The following DHTKD1 variants were observed in gnomAD, a reference collection of about 807,000 sequenced individuals.
The protein encoded by DHTKD1 is 2-oxoadipate dehydrogenase complex component E1.
DHTKD1 carries 78 observed loss-of-function variants against 101.8 expected under a neutral mutation model. The ratio of observed to expected loss-of-function variants is 0.77; its 90% CI spans 0.64 to 0.93. The LOEUF is 0.93. DHTKD1 is among the 40% of genes least tolerant of loss of function. DHTKD1 has a pLI of 0.00. For synonymous variants in DHTKD1, 462 were observed against 450.3 expected (o/e 1.03, Z -0.33); for missense variants, 1,223 against 1,161.7 (o/e 1.05, Z -0.77).
intron 14 of DHTKD1, among the ~76,000 whole-genome samples, chr10:12,118,331 T>C (rs1336641329): frequency 6.6e-6 from 1 of 151,778 alleles, no homozygotes; most frequent in East Asian, 1.9e-4. Flanking sequence ...CCCACCACCT[T>C]GTTCATGAGG....
chr10:12,100,453 C>CG (rs1354998027), intron 9 of DHTKD1, among the ~76,000 whole-genome samples, 191 bp downstream of exon 9: 2 of 150,778 alleles, frequency 1.3e-5, no homozygotes, highest in Non-Finnish European at 3.0e-5. Context: ...TTAGTAGAGA[C>CG]GGGGTTTCAC....
intron 2 of DHTKD1, 36 bp from the exon 3 acceptor site, chr10:12,084,503 TA>T: frequency 7.5e-7 from 1 of 1,326,854 alleles, no homozygotes; most frequent in Non-Finnish European, 1.1e-6. Context: ...GGAACATGAT[TA>T]TTTTTTAAGA....
intron 7 of DHTKD1, among the ~76,000 whole-genome samples, chr10:12,095,923 C>T (rs951714442): frequency 6.6e-6 from 1 of 151,294 alleles, no homozygotes; most frequent in Non-Finnish European, 1.5e-5. Context: ...GCAACAGAAT[C>T]GCTTGAACTG....
chr10:12,084,566 G>A lies in DHTKD1; in HGVS notation c.337G>A (p.Ala113Thr), dbSNP rs200967740. The change falls in exon 3 of 17, where the codon GCC becomes ACC. Residue 113 changes from alanine (A) to threonine (T), a missense_variant. By Grantham distance (58) the Ala-to-Thr change is moderately conservative (BLOSUM62 0). Coordinates refer to ENST00000263035, the MANE Select transcript of DHTKD1 (RefSeq NM_018706.7). ...ATTATTGAACATGGGGAAGGAAGAG[G>A]CCTCACTTGAGGAAGTGTTAGTCTA... is the stretch of plus-strand genomic sequence containing the variant. ...AGLLNMGKEEASLEEVLVYLN... is the reference protein window; with the variant it reads ...AGLLNMGKEETSLEEVLVYLN... 4 of 1,611,476 alleles carry A rather than the reference G, an allele frequency of 2.5e-6. No homozygotes were observed. Among genetic ancestry groups the A allele is most frequent in the Non-Finnish European group, 3.4e-6 (4 of 1,177,702 alleles).
intron 10 of DHTKD1, among the ~76,000 whole-genome samples, chr10:12,105,837 G>A (rs987788010): frequency 2.0e-5 from 3 of 152,138 alleles, no homozygotes; most frequent in African/African-American, 7.2e-5. Context: ...GGCTCATGCT[G>A]TAACCCCAGC....
intron 6 of DHTKD1, among the ~76,000 whole-genome samples, chr10:12,091,969 TA>T (rs1832997302): frequency 6.7e-6 from 1 of 149,740 alleles, no homozygotes; most frequent in African/African-American, 2.4e-5. Context: ...CATGTCTGGC[TA>T]ATTTTTTTTT....
chr10:12,069,121 G>A lies in DHTKD1; in HGVS notation c.88G>A (p.Val30Ile), dbSNP rs1409342903. The A allele has an allele frequency of 6.2e-7, 1 of 1,606,796 alleles. No homozygotes were observed. Among genetic ancestry groups the A allele is most frequent in the Non-Finnish European group, 8.5e-7 (1 of 1,177,736 alleles). Reference protein sequence around the residue: ...FWRGYQTERGVYGYRPRKPES... With the variant: ...FWRGYQTERGIYGYRPRKPES... ...GCGTGGCTACCAGACCGAGCGGGGCGTTTACGGCTACCGGCCGAGGAAGCC... is the reference window on the plus strand; with the variant it reads ...GCGTGGCTACCAGACCGAGCGGGGCATTTACGGCTACCGGCCGAGGAAGCC... Residue 30 changes from valine (V) to isoleucine (I), a missense_variant, in exon 1 of 17, where the codon GTT becomes ATT. Coordinates refer to ENST00000263035, the MANE Select transcript of DHTKD1 (RefSeq NM_018706.7).
At chr10:12,111,919 A>G (rs569684206) in intron 12 of DHTKD1, among the ~76,000 whole-genome samples, 2 of 152,264 alleles carry the variant, frequency 1.3e-5, no homozygotes, top group African/African-American at 4.8e-5. Flanking sequence ...GTCTCCAGCT[A>G]CTTTCTCTGC....
At chr10:12,113,356 C>T (rs1833366438) in intron 13 of DHTKD1, among the ~76,000 whole-genome samples, 2 of 152,128 alleles carry the variant, frequency 1.3e-5, no homozygotes, top group African/African-American at 2.4e-5. Context: ...TGCCACCACA[C>T]CCAGCTAATT....
Position 12,081,510 on chromosome 10 carries a change from G to A in DHTKD1, c.193G>A (p.Glu65Lys). The change falls in exon 2 of 17, where the codon GAG becomes AAG. Residue 65 changes from glutamate to lysine, a missense_variant. By Grantham distance (56) the Glu-to-Lys change is moderately conservative. Transcript: ENST00000263035. ...TGCCAGGTTGGTGACAGTATATTGT[G>A]AGCATGGTCATAAAGCTGCCAAAAT... is the stretch of plus-strand genomic sequence containing the variant. ...GLARLVTVYC[E>K]HGHKAAKINP... The A allele has an allele frequency of 6.2e-7, 1 of 1,614,090 alleles. No individual in the cohort carries two copies.
At chr10:12,092,338 C>T (rs1002300135) in intron 6 of DHTKD1, among the ~76,000 whole-genome samples, 4 of 152,024 alleles carry the variant, frequency 2.6e-5, no homozygotes, top group African/African-American at 7.2e-5. Context: ...CCACAGTGTG[C>T]CATCTCAAAT....
At chr10:12,088,929 C>T (rs1832944261) in intron 4 of DHTKD1, 57 bp from the exon 5 acceptor site, 2 of 1,497,704 alleles carry the variant, frequency 1.3e-6, no homozygotes, top group African/African-American at 2.8e-5. Flanking sequence ...AGCACTTCTT[C>T]CCTAGACTCC....
In DHTKD1 at chr10:12,081,549, A is replaced by G. The variant is rs759441452; in HGVS notation, c.232A>G (p.Thr78Ala). ...HKAAKINPLFTGQALLENVPE... is the reference protein window; with the variant it reads ...HKAAKINPLFAGQALLENVPE... ...AGCTGCCAAAATCAACCCCCTCTTC[A>G]CCGGACAAGCCCTGCTGGAGAATGT... The change falls in exon 2 of 17, where the codon ACC becomes GCC. Residue 78 changes from threonine (T) to alanine (A), a missense_variant. Thr to Ala is a moderately conservative substitution (Grantham distance 58). Transcript: ENST00000263035. The G allele has an allele frequency of 1.2e-6, 2 of 1,613,954 alleles. No homozygotes were observed. The highest frequency in any genetic ancestry group is 2.7e-5 in the African/African-American group (2 of 74,886).
chr10:12,116,119 C>T (rs765341553), intron 13 of DHTKD1, among the ~76,000 whole-genome samples: 3 of 151,810 alleles, frequency 2.0e-5, no homozygotes, highest in Non-Finnish European at 2.9e-5. Flanking sequence ...TTAATAGAGA[C>T]GAGGTTTCGC....
chr10:12,090,928 C>T (rs1832980778), intron 5 of DHTKD1, among the ~76,000 whole-genome samples: 1 of 152,102 alleles, frequency 6.6e-6, no homozygotes, highest in Non-Finnish European at 1.5e-5. Flanking sequence ...GTGGCGGGCG[C>T]CTGTAGTCCC....
rs145738102 is a variant in DHTKD1 at position 12,113,064 on chromosome 10, G to A, written c.2319G>A (p.Pro773=). Residue 773 remains proline, a splice_region_variant and synonymous_variant, in exon 13 of 17, where the codon CCG becomes CCA. Coordinates refer to ENST00000263035, the MANE Select transcript of DHTKD1 (RefSeq NM_018706.7). The part of the protein sequence containing the change: ...VASPKMLLRL[P]AAVSTLQEMA... Reference sequence around the variant, plus strand: ...CCCCTAAGATGTTACTCAGGCTCCCGGTAAGCAGAAGGTGGTGAATAAGCC... The same window carrying A: ...CCCCTAAGATGTTACTCAGGCTCCCAGTAAGCAGAAGGTGGTGAATAAGCC... The A allele has an allele frequency of 5.7e-5, 91 of 1,601,506 alleles. No homozygotes were observed. In the African/African-American group the frequency reaches 1.0e-3, roughly 18 times the overall value.
intron 3 of DHTKD1, among the ~76,000 whole-genome samples, chr10:12,085,205 G>A (rs1007869907): frequency 6.6e-6 from 1 of 152,108 alleles, no homozygotes; most frequent in African/African-American, 2.4e-5. Flanking sequence ...AGCTAATCAG[G>A]AGGCTGAGGC....
chr10:12,073,782 A>G (rs1409913861), intron 1 of DHTKD1, among the ~76,000 whole-genome samples: 1 of 152,222 alleles, frequency 6.6e-6, no homozygotes, highest in Non-Finnish European at 1.5e-5. Context: ...GGGAGGGTGC[A>G]AAGTGAGGGA....
chr10:12,119,109 A>G (rs543168991), intron 15 of DHTKD1, among the ~76,000 whole-genome samples, 191 bp downstream of exon 15: 4 of 151,860 alleles, frequency 2.6e-5, no homozygotes, highest in East Asian at 3.9e-4. Context: ...GATTGAGACC[A>G]TCCTGGCTAA....
Sources: gnomAD v4.1 joint callset for allele counts (sites outside exome capture counted in the v4.1 genomes callset) on GRCh38, gnomAD v4.1.1 for gene constraint, MANE v1.5 for transcripts, NCBI Gene and HGNC (gene_info 2026-07-23, HGNC 2026-07-21) for gene names.